Variants in KLHDC10 observed in about 807,000 individuals in gnomAD.
The protein encoded by KLHDC10 is kelch domain-containing protein 10.
Under a neutral mutation model 56.1 loss-of-function variants are expected in KLHDC10, and 24 were observed. The ratio of observed to expected loss-of-function variants is 0.43; its 90% confidence interval spans 0.31 to 0.60. The LOEUF is 0.60. KLHDC10 is among the 20% of genes least tolerant of loss of function. KLHDC10 has a pLI of 0.11. For missense variants in KLHDC10, 349 were observed against 567.0 expected, an observed-to-expected ratio of 0.62 and a Z score of 3.91; for synonymous variants, 188 against 207.1, an observed-to-expected ratio of 0.91 and a Z score of 0.79.
chr7:130,102,833 A>G (rs1795951539), intron 2 of KLHDC10, among the ~76,000 whole-genome samples: 1 of 152,166 alleles, frequency 6.6e-6, no homozygotes, highest in Non-Finnish European at 1.5e-5. Flanking sequence ...CTCAAAAAAC[A>G]AAACAAAACA....
intron 1 of KLHDC10, among the ~76,000 whole-genome samples, chr7:130,078,341 T>C (rs941084596): frequency 2.6e-5 from 4 of 151,206 alleles, no homozygotes; most frequent in African/African-American, 9.7e-5. Context: ...GCTATTGCAC[T>C]TCAGCCTGGG....
intron 1 of KLHDC10, among the ~76,000 whole-genome samples, chr7:130,077,416 TTTGTATCTATCAACATTAAAAAG>T (rs1795526253): frequency 6.7e-6 from 1 of 150,196 alleles, no homozygotes; most frequent in South Asian, 2.1e-4. Flanking sequence ...CAAGTATTGT[TTTGTATCTATCAACATTAAAAAG>T]TTGTTTATTT....
At chr7:130,119,043 C>T (rs1459521600) in intron 3 of KLHDC10, among the ~76,000 whole-genome samples, 1 of 144,362 alleles carries the variant, frequency 6.9e-6, no homozygotes, top group Non-Finnish European at 1.5e-5. Flanking sequence ...AAGACCCTGT[C>T]TCTTAAAAAA....
intron 1 of KLHDC10, among the ~76,000 whole-genome samples, chr7:130,080,971 T>A (rs1416924442): frequency 6.6e-6 from 1 of 151,896 alleles, no homozygotes; most frequent in Non-Finnish European, 1.5e-5. Flanking sequence ...ATATTTTCTT[T>A]TTTTATTAAT....
intron 2 of KLHDC10, among the ~76,000 whole-genome samples, chr7:130,104,563 C>T (rs1209854597): frequency 2.0e-5 from 3 of 152,138 alleles, no homozygotes; most frequent in African/African-American, 7.2e-5. Context: ...TCTGTTCTTG[C>T]ACTGGTATAA....
chr7:130,079,815 T>A (rs1343981808), intron 1 of KLHDC10, among the ~76,000 whole-genome samples: 1 of 127,794 alleles, frequency 7.8e-6, no homozygotes, highest in Non-Finnish European at 1.6e-5. Context: ...GCTTCCTTAC[T>A]CCCTTGCTCC....
Position 130,070,605 on chromosome 7 carries a change from G to A in KLHDC10, c.-39G>A. The A allele has an allele frequency of 2.3e-6, 3 of 1,301,756 alleles. No individual in the cohort carries two copies. Among genetic ancestry groups the A allele is most frequent in the Non-Finnish European group, 2.9e-6 (3 of 1,020,626 alleles). The allele number at this position is 1,301,756 out of a possible 1,614,324, so 80.6% of individuals were successfully genotyped here. On this transcript the variant is annotated 5_prime_UTR_variant, in exon 1 of 10. Coordinates refer to ENST00000335420, the MANE Select transcript of KLHDC10 (RefSeq NM_014997.4). ...GGCTCCGCTGGTTCCGCTGGGTCAG[G>A]CGCTGACGGGACCGGGCTGCGGCAA... is the stretch of plus-strand genomic sequence containing the variant.
At chr7:130,122,959 T>C (rs533457098) in intron 5 of KLHDC10, among the ~76,000 whole-genome samples, 1 of 152,202 alleles carries the variant, frequency 6.6e-6, no homozygotes, top group Admixed American at 6.5e-5. Flanking sequence ...TGAATGTTGA[T>C]TGGATAGATG....
chr7:130,114,268 C>T (rs1293862124), intron 2 of KLHDC10, among the ~76,000 whole-genome samples: 4 of 152,128 alleles, frequency 2.6e-5, no homozygotes, highest in Non-Finnish European at 5.9e-5. Flanking sequence ...AATTAAATGC[C>T]AAATAAATTG....
chr7:130,116,616 A>G lies in KLHDC10; in HGVS notation c.425A>G (p.His142Arg). Residue 142 changes from histidine to arginine, a missense_variant, in exon 3 of 10, where the codon CAC becomes CGC. Coordinates refer to ENST00000335420, the MANE Select transcript of KLHDC10 (RefSeq NM_014997.4). The surrounding 1 kb of genome is among the most constrained non-coding windows in gnomAD (Gnocchi z 4.8). ...WRYHFATGVWHQMGTDGYMPR... is the reference protein window; with the variant it reads ...WRYHFATGVWRQMGTDGYMPR... ...TATCATTTTGCTACAGGAGTATGGC[A>G]CCAGATGGGCACAGATGGCTACATG... The G allele has an allele frequency of 6.2e-7, 1 of 1,614,192 alleles. No individual in the cohort carries two copies. Among genetic ancestry groups the G allele is most frequent in the Non-Finnish European group, 8.5e-7 (1 of 1,180,036 alleles).
chr7:130,108,425 G>A (rs1188016725), intron 2 of KLHDC10, among the ~76,000 whole-genome samples: 3 of 151,544 alleles, frequency 2.0e-5, no homozygotes, highest in Non-Finnish European at 2.9e-5. Context: ...TATCCTGGCC[G>A]GGCACGGTGG....
Position 130,075,251 on chromosome 7 carries a change from T to C in KLHDC10, c.166+4442T>C, listed in dbSNP as rs116981824. On this transcript the variant is annotated intron_variant, in intron 1 of 9. Coordinates refer to ENST00000335420, the MANE Select transcript of KLHDC10 (RefSeq NM_014997.4). ...AGTTTGATTAAATACCATGATTAGC[T>C]GGGAAAACAGTTAAACATTGTTGCT... is the stretch of plus-strand genomic sequence containing the variant. 4.8e-4 allele frequency among the ~76,000 whole-genome samples: 73 copies of C among 152,228 alleles called. No homozygotes were observed. In the East Asian group the frequency reaches 0.014, roughly 29 times the overall value.
intron 1 of KLHDC10, among the ~76,000 whole-genome samples, chr7:130,077,108 A>G (rs1333904747): frequency 1.3e-5 from 2 of 151,920 alleles, no homozygotes; most frequent in Non-Finnish European, 2.9e-5. Flanking sequence ...TAATCCCAAC[A>G]CTTTGGGATG....
At chr7:130,084,648 G>A (rs922771795) in intron 1 of KLHDC10, among the ~76,000 whole-genome samples, 11 of 152,078 alleles carry the variant, frequency 7.2e-5, no homozygotes, top group Middle Eastern at 6.8e-3. Flanking sequence ...GTGGTGGCGC[G>A]TGCCATTAGT....
At chr7:130,073,783 A>C (rs1795457201) in intron 1 of KLHDC10, among the ~76,000 whole-genome samples, 1 of 152,132 alleles carries the variant, frequency 6.6e-6, no homozygotes, top group Admixed American at 6.6e-5. Context: ...CAGTTATGCA[A>C]ACTTGAAACT....
intron 2 of KLHDC10, among the ~76,000 whole-genome samples, chr7:130,104,087 C>CA (rs951248526): frequency 2.7e-4 from 40 of 148,606 alleles, no homozygotes; most frequent in East Asian, 3.9e-4. Context: ...GACTCCATCT[C>CA]AAAAAAAAAA....
chr7:130,075,108 A>G (rs907463515), intron 1 of KLHDC10, among the ~76,000 whole-genome samples: 2 of 152,220 alleles, frequency 1.3e-5, no homozygotes, highest in South Asian at 2.1e-4. Flanking sequence ...CATAATTTCT[A>G]TACACCCAGT....
At chr7:130,094,394 AT>A (rs1208256153) in intron 1 of KLHDC10, among the ~76,000 whole-genome samples, 1 of 152,032 alleles carries the variant, frequency 6.6e-6, no homozygotes, top group African/African-American at 2.4e-5. Flanking sequence ...TCTTTCCAGT[AT>A]TTTTTTCTAA....
At chr7:130,108,239 AAAAG>A (rs989188911) in intron 2 of KLHDC10, among the ~76,000 whole-genome samples, 3 of 151,950 alleles carry the variant, frequency 2.0e-5, no homozygotes, top group African/African-American at 7.2e-5. Context: ...AAAAAAAGAA[AAAAG>A]AAACTATACT....
Sources: gnomAD v4.1 joint callset for allele counts (sites outside exome capture counted in the v4.1 genomes callset) on GRCh38, gnomAD v4.1.1 for gene constraint, Gnocchi (gnomAD v3.1) non-coding constraint, MANE v1.5 for transcripts, NCBI Gene and HGNC (gene_info 2026-07-23, HGNC 2026-07-21) for gene names.